NCOA1: variants seen among roughly 807,000 people sequenced by gnomAD.
The protein encoded by NCOA1 is nuclear receptor coactivator 1.
NCOA1 carries 35 observed loss-of-function variants against 150.9 expected under a neutral mutation model. That is an observed-to-expected ratio of 0.23 (90% CI 0.18 to 0.31). NCOA1 has a LOEUF of 0.31. NCOA1 is among the 10% of genes least tolerant of loss of function. The pLI is 1.00. For missense variants in NCOA1, 1,491 were observed against 1,749.3 expected, an observed-to-expected ratio of 0.85 and a Z score of 2.63; for synonymous variants, 590 against 630.0, an observed-to-expected ratio of 0.94 and a Z score of 0.95.
chr2:24,524,820 C>T (rs4665703), intron 1 of NCOA1, among the ~76,000 whole-genome samples: 5,462 of 152,112 alleles, frequency 0.036, 124 homozygotes, highest in East Asian at 0.11. Context: ...ATGTTGGCCA[C>T]GCTGGTCTTG....
chr2:24,589,492 A>G (rs997099165), intron 3 of NCOA1, among the ~76,000 whole-genome samples: 2 of 152,220 alleles, frequency 1.3e-5, no homozygotes, highest in African/African-American at 2.4e-5. Context: ...ACCTTCTTCC[A>G]TGGCACATGA....
At chr2:24,761,908 C>T (rs1364727609) in intron 21 of NCOA1, among the ~76,000 whole-genome samples, 7 of 152,326 alleles carry the variant, frequency 4.6e-5, no homozygotes, top group African/African-American at 1.7e-4. Flanking sequence ...AGGGCTTATT[C>T]CCAGCCCTGT....
intron 3 of NCOA1, among the ~76,000 whole-genome samples, chr2:24,615,568 G>A (rs1265348910): frequency 1.3e-5 from 2 of 152,150 alleles, no homozygotes; most frequent in Admixed American, 6.5e-5. Flanking sequence ...GGTACTGGTC[G>A]ATGGTGCTGG....
chr2:24,582,296 G>A (rs1667223735), intron 2 of NCOA1, among the ~76,000 whole-genome samples: 1 of 152,056 alleles, frequency 6.6e-6, no homozygotes, highest in East Asian at 1.9e-4. Flanking sequence ...ACAAAAATCA[G>A]TAGCATTTCT....
chr2:24,608,764 G>A (rs1036174960), intron 3 of NCOA1, among the ~76,000 whole-genome samples: 2 of 138,438 alleles, frequency 1.4e-5, no homozygotes, highest in African/African-American at 5.5e-5. Flanking sequence ...GGTTCCCACA[G>A]TATCACATTG....
intron 21 of NCOA1, among the ~76,000 whole-genome samples, chr2:24,759,021 T>TA (rs1330024031): frequency 6.6e-6 from 1 of 152,018 alleles, no homozygotes; most frequent in Non-Finnish European, 1.5e-5. Context: ...ACAGTACATG[T>TA]AATATATTGT....
chr2:24,767,364 A>G (rs1316074371), intron 22 of NCOA1, among the ~76,000 whole-genome samples: 1 of 152,234 alleles, frequency 6.6e-6, no homozygotes, highest in African/African-American at 2.4e-5. Context: ...CTGGTCTGGA[A>G]CATTCACAAG....
At chr2:24,534,033 G>A (rs1649936971) in intron 1 of NCOA1, among the ~76,000 whole-genome samples, 3 of 152,158 alleles carry the variant, frequency 2.0e-5, no homozygotes. Context: ...GCTCCTCTTT[G>A]TACCTCTGGT....
chr2:24,660,862 C>A (rs1231189049), intron 5 of NCOA1, among the ~76,000 whole-genome samples: 1 of 151,798 alleles, frequency 6.6e-6, no homozygotes, highest in Non-Finnish European at 1.5e-5. Context: ...AAGTTTGAGA[C>A]CAGCCTGGCC....
chr2:24,498,467 C>T (rs1470996610), intron 1 of NCOA1, among the ~76,000 whole-genome samples: 1 of 152,078 alleles, frequency 6.6e-6, no homozygotes, highest in Non-Finnish European at 1.5e-5. Flanking sequence ...TTTGAACATT[C>T]AGGGAGAGGG....
chr2:24,769,341 CTT>C lies in NCOA1; in HGVS notation c.*951_*952del, dbSNP rs1375875162. 2 of 187,240 alleles carry C rather than the reference CTT, an allele frequency of 1.1e-5. No individual in the cohort carries two copies. Among genetic ancestry groups the C allele is most frequent in the Admixed American group, 6.2e-5 (1 of 16,170 alleles). 11.6% of individuals were successfully genotyped at this position (187,240 alleles called of 1,614,324 possible). On this transcript the variant is annotated 3_prime_UTR_variant, in exon 23 of 23. Coordinates refer to ENST00000348332, the MANE Select transcript of NCOA1 (RefSeq NM_003743.5). Reference sequence around the variant, plus strand: ...TTTAATTTTATGCTTTTATTATACTCTTGATTTTTCTAAATTTGTGTGTGAAA... The same window carrying C: ...TTTAATTTTATGCTTTTATTATACTCGATTTTTCTAAATTTGTGTGTGAAA...
chr2:24,634,323 G>C (rs1669837521), intron 3 of NCOA1, among the ~76,000 whole-genome samples: 1 of 152,102 alleles, frequency 6.6e-6, no homozygotes, highest in Non-Finnish European at 1.5e-5. Flanking sequence ...TGTTAATTCT[G>C]AGTGATAGAT....
chr2:24,521,995 C>A (rs1262120718), intron 1 of NCOA1, among the ~76,000 whole-genome samples: 1 of 152,088 alleles, frequency 6.6e-6, no homozygotes, highest in Non-Finnish European at 1.5e-5. Context: ...CCTATTCTCC[C>A]CGCCCCCCAT....
At chr2:24,683,202 GATT>G (rs1672255196) in intron 8 of NCOA1, 74 bp downstream of exon 8, 2 of 839,800 alleles carry the variant, frequency 2.4e-6, no homozygotes, top group South Asian at 3.4e-5. Flanking sequence ...TATAATATGT[GATT>G]ATTATATTTA....
intron 1 of NCOA1, among the ~76,000 whole-genome samples, chr2:24,506,264 A>C (rs1400711855): frequency 1.3e-5 from 2 of 151,964 alleles, no homozygotes; most frequent in Non-Finnish European, 2.9e-5. Flanking sequence ...TCCTTTGACC[A>C]GCTGGTTTGC....
intron 3 of NCOA1, among the ~76,000 whole-genome samples, chr2:24,617,578 A>G (rs937525306): frequency 2.0e-5 from 3 of 152,094 alleles, no homozygotes; most frequent in African/African-American, 7.2e-5. Context: ...TCATCTGAAC[A>G]TATCTTCTTG....
At chr2:24,663,653 A>G (rs1259771495) in intron 5 of NCOA1, among the ~76,000 whole-genome samples, 1 of 152,228 alleles carries the variant, frequency 6.6e-6, no homozygotes, top group East Asian at 1.9e-4. Flanking sequence ...CTTCTTTTCC[A>G]TTAAGGTAGA....
intron 11 of NCOA1, among the ~76,000 whole-genome samples, chr2:24,698,961 T>C (rs987164995): frequency 1.3e-5 from 2 of 152,178 alleles, no homozygotes; most frequent in African/African-American, 2.4e-5. Flanking sequence ...GGTTCTCTAA[T>C]GGGCTCCTTA....
rs1192726881 is a variant in NCOA1 at position 24,536,814 on chromosome 2, A to C, written c.-395-27481A>C. ...GAACAGCAGATACTGCAGAACAGCA[A>C]ATACTACTGCCTGATACTTGCTGGA... On this transcript the variant is annotated intron_variant, in intron 1 of 22. Coordinates refer to ENST00000348332, the MANE Select transcript of NCOA1 (RefSeq NM_003743.5). 2.0e-5 allele frequency among the ~76,000 whole-genome samples: 3 copies of C among 152,124 alleles called. No individual in the cohort carries two copies. The East Asian group carries it at 5.8e-4, about 29-fold the overall frequency.
Sources: allele counts gnomAD v4.1 joint callset (sites outside exome capture counted in the v4.1 genomes callset), GRCh38; gene constraint gnomAD v4.1.1; transcripts MANE v1.5; gene names NCBI Gene and HGNC (gene_info 2026-07-23, HGNC 2026-07-21).